The following MCHR1 variants were observed in gnomAD, a reference collection of about 807,000 sequenced individuals.
MCHR1 encodes melanin concentrating hormone receptor 1.
Under a neutral mutation model 20.4 loss-of-function variants are expected in MCHR1, and 13 were observed. The observed-to-expected ratio is 0.64, with a 90% CI of 0.41 to 1.01. The LOEUF (loss-of-function observed/expected upper bound fraction) is 1.01. Among genes scored for constraint, MCHR1 ranks in the 50% least tolerant of loss-of-function variants. The probability of loss-of-function intolerance (pLI) is 0.00; values close to 1 mark genes in which losing one functional copy is unlikely to be tolerated. For missense variants in MCHR1, 472 were observed against 477.0 expected, an observed-to-expected ratio of 0.99 and a Z score of 0.10; for synonymous variants, 215 against 204.4, an observed-to-expected ratio of 1.05 and a Z score of -0.44.
chr22:40,681,528 T>C lies in MCHR1; in HGVS notation c.662T>C (p.Phe221Ser), dbSNP rs761319837. 3.7e-6 allele frequency: 6 copies of C among 1,612,656 alleles called. No homozygotes were observed. The highest frequency in any genetic ancestry group is 2.2e-5 in the East Asian group (1 of 44,890). The change falls in exon 2 of 2, where the codon TTT becomes TCT. Residue 221 changes from phenylalanine to serine, a missense_variant. Phe to Ser is a radical substitution (Grantham distance 155, BLOSUM62 -2). Transcript: ENST00000249016. The surrounding 1 kb of genome is among the most constrained non-coding windows in gnomAD (Gnocchi z 4.3). Reference sequence around the variant, plus strand: ...TTTTTCCTGGCCTTTGCCCTGCCTTTTGTGGTCATCACAGCCGCATACGTG... The same window carrying C: ...TTTTTCCTGGCCTTTGCCCTGCCTTCTGTGGTCATCACAGCCGCATACGTG... ...YQFFLAFALP[F>S]VVITAAYVRI...
rs781023799 is a variant in MCHR1, at chr22:40,679,506, G to T, written c.-147G>T. 8 of 1,613,878 alleles carry T rather than the reference G, an allele frequency of 5.0e-6. No homozygotes were observed. The Admixed American group carries it at 8.3e-5, about 17-fold the overall frequency. On this transcript the variant is annotated 5_prime_UTR_variant, in exon 1 of 2. Coordinates refer to ENST00000249016, the MANE Select transcript of MCHR1 (RefSeq NM_005297.4). ...GGCAGTTGGGCTTGGAGGCGGCAGC[G>T]GCTGCCAGGCTACGGAGGAAGACCC...
Position 40,681,128 on chromosome 22 carries a change from G to T in MCHR1, c.262G>T (p.Val88Leu), listed in dbSNP as rs1007338393. Residue 88 changes from valine (V) to leucine (L), a missense_variant, in exon 2 of 2, where the codon GTA becomes TTA. Physicochemically the swap from Val to Leu is conservative, Grantham distance 32. Coordinates refer to ENST00000249016, the MANE Select transcript of MCHR1 (RefSeq NM_005297.4). The surrounding 1 kb of genome is among the most constrained non-coding windows in gnomAD (Gnocchi z 4.3). ...CATCTTCATCATCAACCTCTCGGTA[G>T]TAGATCTCCTCTTTCTCCTGGGCAT... The part of the protein sequence containing the change: ...PDIFIINLSV[V>L]DLLFLLGMPF... The T allele has an allele frequency of 6.2e-7, 1 of 1,613,456 alleles. No homozygotes were observed. The highest frequency in any genetic ancestry group is 8.5e-7 in the Non-Finnish European group (1 of 1,179,792).
chr22:40,681,751 G>A lies in MCHR1; in HGVS notation c.885G>A (p.Ala295=), dbSNP rs201357369. ...TCACCTTTGTCTACTTATACAATGC[G>A]GCCATCAGCTTGGGCTATGCCAACA... ...PTLTFVYLYN[A]AISLGYANSC... is the part of the protein sequence containing the mutation. The change falls in exon 2 of 2, where the codon GCG becomes GCA. Residue 295 remains alanine, a synonymous_variant. Coordinates refer to ENST00000249016, the MANE Select transcript of MCHR1 (RefSeq NM_005297.4). This position sits in a 1 kb window ranked among gnomAD's most constrained non-coding sequence, Gnocchi z 4.3. 1.9e-5 allele frequency: 31 copies of A among 1,614,112 alleles called. No homozygotes were observed. The highest frequency in any genetic ancestry group is 2.3e-5 in the Non-Finnish European group (27 of 1,180,060).
chr22:40,681,775 C>A lies in MCHR1; in HGVS notation c.909C>A (p.Asn303Lys). Reference protein sequence around the residue: ...YNAAISLGYANSCLNPFVYIV... With the variant: ...YNAAISLGYAKSCLNPFVYIV... ...CGGCCATCAGCTTGGGCTATGCCAA[C>A]AGCTGCCTCAACCCCTTTGTGTACA... The change falls in exon 2 of 2, where the codon AAC becomes AAA. Residue 303 changes from asparagine to lysine, a missense_variant. By Grantham distance (94) the Asn-to-Lys change is moderately conservative. Transcript: ENST00000249016. This position sits in a 1 kb window ranked among gnomAD's most constrained non-coding sequence, Gnocchi z 4.3. The A allele has an allele frequency of 6.2e-7, 1 of 1,614,276 alleles. No individual in the cohort carries two copies.
intron 1 of MCHR1, among the ~76,000 whole-genome samples, chr22:40,680,572 GCACACACACACA>G (rs748382761): frequency 1.2e-4 from 14 of 112,816 alleles, no homozygotes; most frequent in Admixed American, 8.3e-5. Context: ...GGAAAAGCAC[GCACACACACACA>G]CACACACATA....
chr22:40,680,172 G>A (rs993638712), intron 1 of MCHR1: 2 of 277,866 alleles, frequency 7.2e-6, no homozygotes, highest in African/African-American at 4.4e-5. Context: ...GAGAGGCCCT[G>A]GGAAGGGAAG....
rs369664918 is a variant in MCHR1 at position 40,681,053 on chromosome 22, T to C, written c.187T>C (p.Phe63Leu). The change falls in exon 2 of 2, where the codon TTC becomes CTC. Residue 63 changes from phenylalanine to leucine, a missense_variant. Physicochemically the swap from Phe to Leu is conservative, Grantham distance 22 (BLOSUM62 0). Coordinates refer to ENST00000249016, the MANE Select transcript of MCHR1 (RefSeq NM_005297.4). This position sits in a 1 kb window ranked among gnomAD's most constrained non-coding sequence, Gnocchi z 4.3. Reference sequence around the variant, plus strand: ...CATCATCGGGAACTCCACGGTCATCTTCGCGGTCGTGAAGAAGTCCAAGCT... The same window carrying C: ...CATCATCGGGAACTCCACGGTCATCCTCGCGGTCGTGAAGAAGTCCAAGCT... ...LGIIGNSTVI[F>L]AVVKKSKLHW... 9 of 1,614,018 alleles carry C rather than the reference T, an allele frequency of 5.6e-6. No homozygotes were observed. In the African/African-American group the frequency reaches 1.2e-4, roughly 22 times the overall value.
chr22:40,680,141 G>A (rs1049949103), intron 1 of MCHR1: 106 of 308,718 alleles, frequency 3.4e-4, no homozygotes, highest in Middle Eastern at 2.3e-3. Context: ...TGAGGTCTGA[G>A]ACATCCTTAC....
chr22:40,681,498 A>G lies in MCHR1; in HGVS notation c.632A>G (p.Tyr211Cys). The change falls in exon 2 of 2, where the codon TAC becomes TGC. Residue 211 changes from tyrosine to cysteine, a missense_variant. Transcript: ENST00000249016. This position sits in a 1 kb window ranked among gnomAD's most constrained non-coding sequence, Gnocchi z 4.3. ...PDTDLYWFTLYQFFLAFALPF... is the reference protein window; with the variant it reads ...PDTDLYWFTLCQFFLAFALPF... Reference sequence around the variant, plus strand: ...ACTGACCTCTACTGGTTCACCCTGTACCAGTTTTTCCTGGCCTTTGCCCTG... The same window carrying G: ...ACTGACCTCTACTGGTTCACCCTGTGCCAGTTTTTCCTGGCCTTTGCCCTG... The G allele has an allele frequency of 6.2e-7, 1 of 1,612,484 alleles. No homozygotes were observed. Among genetic ancestry groups the G allele is most frequent in the Non-Finnish European group, 8.5e-7 (1 of 1,180,028 alleles).
rs747397259 is a variant in MCHR1 at position 40,679,639 on chromosome 22, C to T, written c.-14C>T. 1.9e-6 allele frequency: 3 copies of T among 1,614,110 alleles called. No individual in the cohort carries two copies. The highest frequency in any genetic ancestry group is 2.5e-6 in the Non-Finnish European group (3 of 1,180,012). On this transcript the variant is annotated 5_prime_UTR_variant, in exon 1 of 2. Coordinates refer to ENST00000249016, the MANE Select transcript of MCHR1 (RefSeq NM_005297.4). ...TCAGCTCGGTTGTGGGAGCAGGCGACCGGCACTGGCTGGATGGACCTGGAA... is the reference window on the plus strand; with the variant it reads ...TCAGCTCGGTTGTGGGAGCAGGCGATCGGCACTGGCTGGATGGACCTGGAA...
rs200469291 is a variant in MCHR1 at position 40,679,620 on chromosome 22, C to T, written c.-33C>T. The T allele has an allele frequency of 8.1e-6, 13 of 1,613,844 alleles. No homozygotes were observed. The East Asian group carries it at 1.3e-4, about 17-fold the overall frequency. On this transcript the variant is annotated 5_prime_UTR_variant, in exon 1 of 2. Coordinates refer to ENST00000249016, the MANE Select transcript of MCHR1 (RefSeq NM_005297.4). ...TGCGTGGGTGGAGGGGAGCTCAGCT[C>T]GGTTGTGGGAGCAGGCGACCGGCAC...
chr22:40,679,528 AC>A lies in MCHR1; in HGVS notation c.-120del, dbSNP rs771471553. ...AGCGGCTGCCAGGCTACGGAGGAAG[AC>A]CCCCTTCCCAACTGCGGGGCTTGCG... is the stretch of plus-strand genomic sequence containing the variant. On this transcript the variant is annotated 5_prime_UTR_variant, in exon 1 of 2. Transcript: ENST00000249016. 1.9e-5 allele frequency: 31 copies of A among 1,613,346 alleles called. No homozygotes were observed. In the South Asian group the frequency reaches 2.4e-4, roughly 13 times the overall value.
Position 40,682,127 on chromosome 22 carries a change from A to G in MCHR1, c.*199A>G, listed in dbSNP as rs546652772. The G allele has an allele frequency of 9.2e-6, 6 of 653,988 alleles. No homozygotes were observed. The highest frequency in any genetic ancestry group is 9.1e-5 in the African/African-American group (5 of 54,968). 40.5% of individuals were successfully genotyped at this position (653,988 alleles called of 1,614,324 possible). On this transcript the variant is annotated 3_prime_UTR_variant, in exon 2 of 2. Coordinates refer to ENST00000249016, the MANE Select transcript of MCHR1 (RefSeq NM_005297.4). ...GGAGTCAGGTTTGGGGTTTTCAGAT[A>G]TCAGAAATCCCCTTGGGGGAGCAGG... is the stretch of plus-strand genomic sequence containing the variant.
Position 40,679,553 on chromosome 22 carries a change from C to G in MCHR1, c.-100C>G. On this transcript the variant is annotated 5_prime_UTR_variant, in exon 1 of 2. Coordinates refer to ENST00000249016, the MANE Select transcript of MCHR1 (RefSeq NM_005297.4). ...ACCCCCTTCCCAACTGCGGGGCTTG[C>G]GCTCCGGGACAAGGTGGCAGGCGCT... is the stretch of plus-strand genomic sequence containing the variant. The G allele has an allele frequency of 1.2e-6, 2 of 1,613,764 alleles. No homozygotes were observed. Among genetic ancestry groups the G allele is most frequent in the Non-Finnish European group, 1.7e-6 (2 of 1,179,830 alleles).
Position 40,682,015 on chromosome 22 carries a change from C to G in MCHR1, c.*87C>G. On this transcript the variant is annotated 3_prime_UTR_variant, in exon 2 of 2. Transcript: ENST00000249016. ...ATGCTGAGAAAAACCCAAGACCGCT[C>G]GGGAAATGCAGGAAGGCCGGGTTGT... 6.5e-7 allele frequency: 1 copy of G among 1,547,146 alleles called. No individual in the cohort carries two copies. Among genetic ancestry groups the G allele is most frequent in the Non-Finnish European group, 8.8e-7 (1 of 1,139,888 alleles).
At position 40,681,581 on chromosome 22, in the gene MCHR1, G is replaced by T. The variant is rs2056880882; in HGVS notation, c.715G>T (p.Val239Leu). 12 of 1,613,704 alleles carry T rather than the reference G, an allele frequency of 7.4e-6. No individual in the cohort carries two copies. Among genetic ancestry groups the T allele is most frequent in the Non-Finnish European group, 9.3e-6 (11 of 1,180,056 alleles). The change falls in exon 2 of 2, where the codon GTG becomes TTG. Residue 239 changes from valine to leucine, a missense_variant. Val to Leu is a conservative substitution (Grantham distance 32, BLOSUM62 1). Transcript: ENST00000249016. This position sits in a 1 kb window ranked among gnomAD's most constrained non-coding sequence, Gnocchi z 4.3. Reference sequence around the variant, plus strand: ...GATCCTGCAGCGCATGACGTCCTCAGTGGCCCCCGCCTCCCAGCGCAGCAT... The same window carrying T: ...GATCCTGCAGCGCATGACGTCCTCATTGGCCCCCGCCTCCCAGCGCAGCAT... ...VRILQRMTSS[V>L]APASQRSIRL...
Position 40,681,987 on chromosome 22 carries a change from G to C in MCHR1, c.*59G>C. Reference sequence around the variant, plus strand: ...AGGGCACCACAACACGCCACCGGGAGAGATGCTGAGAAAAACCCAAGACCG... The same window carrying C: ...AGGGCACCACAACACGCCACCGGGACAGATGCTGAGAAAAACCCAAGACCG... On this transcript the variant is annotated 3_prime_UTR_variant, in exon 2 of 2. Transcript: ENST00000249016. The surrounding 1 kb of genome is among the most constrained non-coding windows in gnomAD (Gnocchi z 4.3). The C allele has an allele frequency of 6.3e-7, 1 of 1,595,454 alleles. No homozygotes were observed. The highest frequency in any genetic ancestry group is 8.5e-7 in the Non-Finnish European group (1 of 1,178,340).
chr22:40,681,509 C>G lies in MCHR1; in HGVS notation c.643C>G (p.Leu215Val). ...LYWFTLYQFF[L>V]AFALPFVVIT... is the part of the protein sequence containing the mutation. ...CTGGTTCACCCTGTACCAGTTTTTC[C>G]TGGCCTTTGCCCTGCCTTTTGTGGT... Residue 215 changes from leucine (L) to valine (V), a missense_variant, in exon 2 of 2, where the codon CTG becomes GTG. Physicochemically the swap from Leu to Val is conservative, Grantham distance 32. Coordinates refer to ENST00000249016, the MANE Select transcript of MCHR1 (RefSeq NM_005297.4). The surrounding 1 kb of genome is among the most constrained non-coding windows in gnomAD (Gnocchi z 4.3). 1.2e-6 allele frequency: 2 copies of G among 1,612,408 alleles called. No homozygotes were observed.
Position 40,681,562 on chromosome 22 carries a change from G to A in MCHR1, c.696G>A (p.Leu232=). ...VVITAAYVRI[L]QRMTSSVAPA... is the part of the protein sequence containing the mutation. ...TCACAGCCGCATACGTGAGGATCCT[G>A]CAGCGCATGACGTCCTCAGTGGCCC... is the stretch of plus-strand genomic sequence containing the variant. The change falls in exon 2 of 2, where the codon CTG becomes CTA. Residue 232 remains leucine, a synonymous_variant. Coordinates refer to ENST00000249016, the MANE Select transcript of MCHR1 (RefSeq NM_005297.4). This position sits in a 1 kb window ranked among gnomAD's most constrained non-coding sequence, Gnocchi z 4.3. The A allele has an allele frequency of 1.9e-6, 3 of 1,613,416 alleles. No individual in the cohort carries two copies. The highest frequency in any genetic ancestry group is 2.5e-6 in the Non-Finnish European group (3 of 1,180,044).
Sources: gnomAD v4.1 joint callset for allele counts (sites outside exome capture counted in the v4.1 genomes callset) on GRCh38, gnomAD v4.1.1 for gene constraint, Gnocchi (gnomAD v3.1) non-coding constraint, MANE v1.5 for transcripts, NCBI Gene and HGNC (gene_info 2026-07-23, HGNC 2026-07-21) for gene names.